ARHGAP1: variants seen among roughly 807,000 people sequenced by gnomAD.
ARHGAP1 encodes Rho GTPase activating protein 1.
Under a neutral mutation model 52.2 loss-of-function variants are expected in ARHGAP1, and 23 were observed. The ratio of observed to expected loss-of-function variants is 0.44; its 90% confidence interval spans 0.32 to 0.62. The LOEUF (loss-of-function observed/expected upper bound fraction) is 0.62. ARHGAP1 is among the 20% of genes least tolerant of loss of function. The pLI is 0.05. For missense variants in ARHGAP1, 480 were observed against 560.9 expected, an observed-to-expected ratio of 0.86 and a Z score of 1.46; for synonymous variants, 210 against 228.4, an observed-to-expected ratio of 0.92 and a Z score of 0.73.
chr11:46,699,479 C>A (rs939058378), intron 1 of ARHGAP1, among the ~76,000 whole-genome samples: 8 of 150,848 alleles, frequency 5.3e-5, no homozygotes, highest in Non-Finnish European at 1.2e-4. Flanking sequence ...CCGAGGCGGG[C>A]GGATCACAAG....
Position 46,679,947 on chromosome 11 carries a change from G to C in ARHGAP1, c.899-171C>G. On this transcript the variant is annotated intron_variant, in intron 10 of 12. Transcript: ENST00000311956. The surrounding 1 kb of genome is among the most constrained non-coding windows in gnomAD (Gnocchi z 4.4). Reference sequence around the variant, plus strand: ...CTTCCTCTGTGATCAGAGAATGCAGGTTCCGGCCATCTGGGGAAGTGGGGC... The same window carrying C: ...CTTCCTCTGTGATCAGAGAATGCAGCTTCCGGCCATCTGGGGAAGTGGGGC... 8.3e-7 allele frequency: 1 copy of C among 1,199,792 alleles called. No individual in the cohort carries two copies. Among genetic ancestry groups the C allele is most frequent in the Non-Finnish European group, 1.1e-6 (1 of 876,546 alleles). 74.3% of individuals were successfully genotyped at this position (1,199,792 alleles called of 1,614,324 possible). A position where few individuals can be genotyped will look rare whatever the true frequency, so the allele number is the denominator to read the frequency against.
Position 46,678,897 on chromosome 11 carries a change from G to C in ARHGAP1, c.*140C>G. The C allele has an allele frequency of 3.1e-6, 3 of 983,364 alleles. No individual in the cohort carries two copies. The highest frequency in any genetic ancestry group is 4.4e-6 in the Non-Finnish European group (3 of 676,440). 60.9% of individuals were successfully genotyped at this position (983,364 alleles called of 1,614,324 possible). ...GCGAGGCCGCCAGGGCCGTGAGGCG[G>C]GCTGGACAGAGGTGGGGGAGAGCAT... On this transcript the variant is annotated 3_prime_UTR_variant, in exon 13 of 13. Coordinates refer to ENST00000311956, the MANE Select transcript of ARHGAP1 (RefSeq NM_004308.5).
At chr11:46,690,009 T>A (rs1206722852) in intron 3 of ARHGAP1, among the ~76,000 whole-genome samples, 1 of 152,230 alleles carries the variant, frequency 6.6e-6, no homozygotes, top group Non-Finnish European at 1.5e-5. Context: ...TCAGTCTGAT[T>A]ACTTAACAGT....
intron 3 of ARHGAP1, among the ~76,000 whole-genome samples, chr11:46,690,424 G>T (rs1013802188): frequency 1.3e-5 from 2 of 152,070 alleles, no homozygotes; most frequent in Non-Finnish European, 2.9e-5. Flanking sequence ...AGAGATGGGG[G>T]TCTCAATGTG....
chr11:46,692,586 C>T (rs549087427), intron 3 of ARHGAP1, among the ~76,000 whole-genome samples: 2 of 152,312 alleles, frequency 1.3e-5, no homozygotes, highest in African/African-American at 4.8e-5. Flanking sequence ...CAGCTGGCCA[C>T]AGCACTTTGT....
chr11:46,699,880 G>A (rs1395850116), intron 1 of ARHGAP1, among the ~76,000 whole-genome samples: 1 of 151,512 alleles, frequency 6.6e-6, no homozygotes, highest in Non-Finnish European at 1.5e-5. Flanking sequence ...AGATTAAGAA[G>A]TTGAACTGAG....
rs141220442 is a variant in ARHGAP1 at position 46,681,052 on chromosome 11, G to A, written c.594C>T (p.His198=). 34 of 1,614,026 alleles carry A rather than the reference G, an allele frequency of 2.1e-5. No homozygotes were observed. The highest frequency in any genetic ancestry group is 1.1e-4 in the African/African-American group (8 of 74,922). ...GGATCCCCAGCTGCTCCAGCTTCAC[G>A]TGCTCGCTCAGCTCGCTCAGGTAAT... ...YVNYLSELSE[H]VKLEQLGIPR... Residue 198 remains histidine, a synonymous_variant, in exon 7 of 13, where the codon CAC becomes CAT. Coordinates refer to ENST00000311956, the MANE Select transcript of ARHGAP1 (RefSeq NM_004308.5). This position sits in a 1 kb window ranked among gnomAD's most constrained non-coding sequence, Gnocchi z 5.7.
intron 4 of ARHGAP1, among the ~76,000 whole-genome samples, chr11:46,686,270 C>T (rs888001598): frequency 6.6e-6 from 1 of 151,922 alleles, no homozygotes; most frequent in African/African-American, 2.4e-5. Flanking sequence ...AGGCATGAGC[C>T]GCTGGACGAG....
Position 46,681,280 on chromosome 11 carries a change from C to G in ARHGAP1, c.536+13G>C. On this transcript the variant is annotated intron_variant, in intron 6 of 12. Coordinates refer to ENST00000311956, the MANE Select transcript of ARHGAP1 (RefSeq NM_004308.5). The surrounding 1 kb of genome is among the most constrained non-coding windows in gnomAD (Gnocchi z 5.7). Reference sequence around the variant, plus strand: ...GCAAGCCGGGACCACCAGCCCTGCCCGTGGCCACTCACCTGATGAGGGGCT... The same window carrying G: ...GCAAGCCGGGACCACCAGCCCTGCCGGTGGCCACTCACCTGATGAGGGGCT... The G allele has an allele frequency of 6.2e-7, 1 of 1,606,794 alleles. No homozygotes were observed. The highest frequency in any genetic ancestry group is 8.5e-7 in the Non-Finnish European group (1 of 1,173,326).
Position 46,681,018 on chromosome 11 carries a change from C to A in ARHGAP1, c.628G>T (p.Val210Leu). The A allele has an allele frequency of 6.2e-7, 1 of 1,614,072 alleles. No individual in the cohort carries two copies. The highest frequency in any genetic ancestry group is 1.1e-5 in the South Asian group (1 of 91,086). ...KLEQLGIPRQ[V>L]LKYDDFLKST... ...CCGCCGCACCCGCCTCACTTGAGCACTTGGCGAGGGATCCCCAGCTGCTCC... is the reference window on the plus strand; with the variant it reads ...CCGCCGCACCCGCCTCACTTGAGCAATTGGCGAGGGATCCCCAGCTGCTCC... Residue 210 changes from valine to leucine, a missense_variant, in exon 7 of 13, where the codon GTG (valine) becomes TTG (leucine). Val to Leu is a conservative substitution (Grantham distance 32). Coordinates refer to ENST00000311956, the MANE Select transcript of ARHGAP1 (RefSeq NM_004308.5). This position sits in a 1 kb window ranked among gnomAD's most constrained non-coding sequence, Gnocchi z 5.7.
At chr11:46,691,011 C>A (rs1329711803) in intron 3 of ARHGAP1, among the ~76,000 whole-genome samples, 1 of 152,092 alleles carries the variant, frequency 6.6e-6, no homozygotes, top group Non-Finnish European at 1.5e-5. Context: ...CCTCCCATGT[C>A]CTGAGTAGCT....
chr11:46,695,320 GA>G, intron 3 of ARHGAP1: 1 of 374,684 alleles, frequency 2.7e-6, no homozygotes, highest in Non-Finnish European at 5.2e-6. Flanking sequence ...TGATAGGGTG[GA>G]AAAGCCAACA....
In ARHGAP1 at chr11:46,696,950, G is replaced by A. The variant is rs1473529264; in HGVS notation, c.-49-794C>T. On this transcript the variant is annotated intron_variant, in intron 1 of 12. Coordinates refer to ENST00000311956, the MANE Select transcript of ARHGAP1 (RefSeq NM_004308.5). This position sits in a 1 kb window ranked among gnomAD's most constrained non-coding sequence, Gnocchi z 4.8. Reference sequence around the variant, plus strand: ...CTCCAGGACAGGAACTAGCAGCAGGGGATGTGGAATCGCCTGCCAGTCATT... The same window carrying A: ...CTCCAGGACAGGAACTAGCAGCAGGAGATGTGGAATCGCCTGCCAGTCATT... The A allele has an allele frequency of 1.3e-5, 2 of 152,276 alleles. No homozygotes were observed. Among genetic ancestry groups the A allele is most frequent in the South Asian group, 4.1e-4 (2 of 4,836 alleles). 9.4% of individuals were successfully genotyped at this position (152,276 alleles called of 1,614,324 possible).
At chr11:46,694,659 C>T (rs2064639070) in intron 3 of ARHGAP1, among the ~76,000 whole-genome samples, 1 of 152,236 alleles carries the variant, frequency 6.6e-6, no homozygotes, top group Non-Finnish European at 1.5e-5. Flanking sequence ...AGGTGACTTT[C>T]CCGTGCCCAA....
intron 3 of ARHGAP1, 115 bp from the exon 4 acceptor site, chr11:46,688,375 G>T: frequency 9.4e-7 from 1 of 1,066,380 alleles, no homozygotes; most frequent in Non-Finnish European, 1.4e-6. Context: ...AGGGGCCAGA[G>T]TGCCCATGCA....
At position 46,696,187 on chromosome 11, in the gene ARHGAP1, G is replaced by C; in HGVS notation, c.-49-31C>G. On this transcript the variant is annotated intron_variant, in intron 1 of 12. Coordinates refer to ENST00000311956, the MANE Select transcript of ARHGAP1 (RefSeq NM_004308.5). The surrounding 1 kb of genome is among the most constrained non-coding windows in gnomAD (Gnocchi z 4.8). ...AGAGAGGAAGACAGGTGGCAGGTCAGTGACCTGCTCTTTTCACCTTCTGCG... is the reference window on the plus strand; with the variant it reads ...AGAGAGGAAGACAGGTGGCAGGTCACTGACCTGCTCTTTTCACCTTCTGCG... The C allele has an allele frequency of 1.4e-6, 2 of 1,467,982 alleles. No homozygotes were observed. The highest frequency in any genetic ancestry group is 1.2e-5 in the South Asian group (1 of 80,924). 90.9% of individuals were successfully genotyped at this position (1,467,982 alleles called of 1,614,324 possible).
intron 3 of ARHGAP1, among the ~76,000 whole-genome samples, chr11:46,692,279 C>T (rs907334231): frequency 6.6e-6 from 1 of 152,174 alleles, no homozygotes; most frequent in Non-Finnish European, 1.5e-5. Context: ...AGATGCCTAC[C>T]ACCAGCCTGG....
chr11:46,700,319 T>G (rs1444118731), intron 1 of ARHGAP1, among the ~76,000 whole-genome samples: 3 of 151,730 alleles, frequency 2.0e-5, no homozygotes, highest in African/African-American at 7.3e-5. Context: ...GACTCTGCCC[T>G]GGGGAAGGCA....
At chr11:46,698,114 G>A (rs1347288130) in intron 1 of ARHGAP1, among the ~76,000 whole-genome samples, 1 of 152,210 alleles carries the variant, frequency 6.6e-6, no homozygotes, top group Admixed American at 6.5e-5. Context: ...AGGTGCTGAT[G>A]CCATGAAATG....
Sources: gnomAD v4.1 joint callset for allele counts (sites outside exome capture counted in the v4.1 genomes callset) on GRCh38, gnomAD v4.1.1 for gene constraint, Gnocchi (gnomAD v3.1) non-coding constraint, MANE v1.5 for transcripts, NCBI Gene and HGNC (gene_info 2026-07-23, HGNC 2026-07-21) for gene names.